FOXP2: variants seen among roughly 807,000 people sequenced by gnomAD.
FOXP2 encodes the protein forkhead box protein P2.
A neutral mutation model predicts 115.8 loss-of-function variants in FOXP2; 12 were observed. That is an observed-to-expected ratio of 0.10 (90% confidence interval 0.07 to 0.17). FOXP2 has a LOEUF of 0.17. FOXP2 is among the 10% of genes least tolerant of loss of function. The pLI is 1.00. For synonymous variants in FOXP2, 328 were observed against 297.7 expected, an observed-to-expected ratio of 1.10 and a Z score of -1.05; for missense variants, 629 against 843.5, an observed-to-expected ratio of 0.75 and a Z score of 3.15.
At chr7:114,460,628 G>T (rs985267206) in intron 2 of FOXP2, among the ~76,000 whole-genome samples, 1 of 152,062 alleles carries the variant, frequency 6.6e-6, no homozygotes, top group Non-Finnish European at 1.5e-5. Context: ...CAGTGTCCTC[G>T]TATTTGTGTA....
chr7:114,407,477 T>C (rs928267204), intron 2 of FOXP2, among the ~76,000 whole-genome samples: 1 of 152,080 alleles, frequency 6.6e-6, no homozygotes, highest in Admixed American at 6.6e-5. Flanking sequence ...CACTGTGGAC[T>C]TTTTAAGTTG....
At chr7:114,502,129 G>A (rs1797589263) in intron 2 of FOXP2, among the ~76,000 whole-genome samples, 1 of 152,044 alleles carries the variant, frequency 6.6e-6, no homozygotes, top group East Asian at 1.9e-4. Context: ...AAAACCAAAA[G>A]CACTTAAAAT....
chr7:114,483,914 T>A (rs751881174), intron 2 of FOXP2, among the ~76,000 whole-genome samples: 18 of 151,898 alleles, frequency 1.2e-4, no homozygotes, highest in Admixed American at 5.3e-4. Context: ...ATAATTAAAT[T>A]TGAATTTACT....
chr7:114,227,839 A>T (rs1794779732), intron 1 of FOXP2, among the ~76,000 whole-genome samples: 1 of 151,998 alleles, frequency 6.6e-6, no homozygotes, highest in South Asian at 2.1e-4. Flanking sequence ...AGTCTAGTAT[A>T]CTTTCTAGAG....
At chr7:114,555,021 C>T (rs940678678) in intron 3 of FOXP2, among the ~76,000 whole-genome samples, 42 of 152,050 alleles carry the variant, frequency 2.8e-4, no homozygotes, top group African/African-American at 9.2e-4. Context: ...CTAGGGCCAG[C>T]GAAAAAGAAG....
At chr7:114,397,196 A>C (rs1239139892) in intron 2 of FOXP2, among the ~76,000 whole-genome samples, 1 of 152,166 alleles carries the variant, frequency 6.6e-6, no homozygotes, top group African/African-American at 2.4e-5. Context: ...AAATTTAAAA[A>C]TTTAAAAGTT....
In FOXP2 at chr7:114,314,012, G is replaced by T. The variant is rs1797213209; in HGVS notation, c.-11+25903G>T. On this transcript the variant is annotated intron_variant, in intron 2 of 17. Transcript: ENST00000634411. ...GCATATTTAAAAATGTAATGTAATA[G>T]AATAAATAGAACAGAACAGAAAGCA... 2.0e-5 allele frequency among the ~76,000 whole-genome samples: 3 copies of T among 151,512 alleles called. No homozygotes were observed. In the South Asian group the frequency reaches 6.2e-4, roughly 31 times the overall value.
chr7:114,652,304 T>A lies in FOXP2; in HGVS notation c.1182+14T>A, dbSNP rs774274763. 68 of 1,609,786 alleles carry A rather than the reference T, an allele frequency of 4.2e-5. No individual in the cohort carries two copies. In the South Asian group the frequency reaches 6.9e-4, roughly 16 times the overall value. On this transcript the variant is annotated intron_variant, in intron 9 of 16. Coordinates refer to ENST00000350908, the MANE Select transcript of FOXP2 (RefSeq NM_014491.4). The stretch of plus-strand genomic sequence containing the variant: ...TTAGAAATACAGGTTTGTTAAATGC[T>A]CACTTAATGGACTCTTCTTAGATTT...
chr7:114,236,365 G>A (rs912073820), intron 1 of FOXP2, among the ~76,000 whole-genome samples: 1 of 152,126 alleles, frequency 6.6e-6, no homozygotes, highest in African/African-American at 2.4e-5. Context: ...TTATAATAGT[G>A]GATGGAGGAT....
chr7:114,534,656 A>T lies in FOXP2; in HGVS notation c.208A>T (p.Thr70Ser). 1.2e-6 allele frequency: 2 copies of T among 1,612,086 alleles called. No homozygotes were observed. The highest frequency in any genetic ancestry group is 1.7e-6 in the Non-Finnish European group (2 of 1,178,586). Reference sequence around the variant, plus strand: ...AAGACAACTTCTTTTACAGCAGCAAACAAGTGGATTGAAATCTCCTAAGAG... The same window carrying T: ...AAGACAACTTCTTTTACAGCAGCAATCAAGTGGATTGAAATCTCCTAAGAG... ...AARQLLLQQQ[T>S]SGLKSPKSSD... is the part of the protein sequence containing the mutation. Residue 70 changes from threonine (T) to serine (S), a missense_variant, in exon 3 of 17, where the codon ACA (threonine) becomes TCA (serine). By Grantham distance (58) the Thr-to-Ser change is moderately conservative. Around this residue, in one of 9 missense-constraint regions of FOXP2, gnomAD observed 91 missense variants for 98.3 expected, o/e 0.93. Coordinates refer to ENST00000350908, the MANE Select transcript of FOXP2 (RefSeq NM_014491.4).
chr7:114,416,314 AAC>A (rs1187024415), intron 1 of FOXP2: 1 of 152,024 alleles, frequency 6.6e-6, no homozygotes, highest in Non-Finnish European at 1.5e-5. Flanking sequence ...AGCCAGTATA[AAC>A]ACAGTCGGAG....
intron 2 of FOXP2, among the ~76,000 whole-genome samples, chr7:114,462,665 C>G (rs1389785366): frequency 1.3e-5 from 2 of 152,146 alleles, no homozygotes; most frequent in Non-Finnish European, 2.9e-5. Context: ...GCCACCGCGC[C>G]CGGCTTCTCA....
intron 1 of FOXP2, among the ~76,000 whole-genome samples, chr7:114,271,004 C>T (rs1476724518): frequency 6.6e-6 from 1 of 151,838 alleles, no homozygotes; most frequent in East Asian, 1.9e-4. Context: ...GTTGTTCTAG[C>T]ACCACATGTT....
chr7:114,427,805 A>T (rs980694868), intron 2 of FOXP2, among the ~76,000 whole-genome samples: 2 of 151,636 alleles, frequency 1.3e-5, no homozygotes, highest in Non-Finnish European at 3.0e-5. Context: ...ACATGGGTTG[A>T]ATAATGTCTT....
chr7:114,254,643 T>A (rs1795554745), intron 1 of FOXP2, among the ~76,000 whole-genome samples: 1 of 152,038 alleles, frequency 6.6e-6, no homozygotes, highest in Non-Finnish European at 1.5e-5. Context: ...TTCAGCTCCA[T>A]CAGTTCATTT....
intron 10 of FOXP2, among the ~76,000 whole-genome samples, chr7:114,655,562 C>T (rs1426501627): frequency 6.6e-6 from 1 of 151,948 alleles, no homozygotes; most frequent in Non-Finnish European, 1.5e-5. Flanking sequence ...GGCCTCAGAT[C>T]GGTTTGAAAG....
intron 2 of FOXP2, among the ~76,000 whole-genome samples, chr7:114,496,772 C>G (rs1797339980): frequency 1.3e-5 from 2 of 152,118 alleles, no homozygotes; most frequent in Admixed American, 1.3e-4. Context: ...TTCTCTCCTT[C>G]CTGTACTGTT....
At chr7:114,250,002 A>G (rs546514982) in intron 1 of FOXP2, among the ~76,000 whole-genome samples, 1 of 139,170 alleles carries the variant, frequency 7.2e-6, no homozygotes, top group Non-Finnish European at 1.5e-5. Flanking sequence ...CCTGTGTCCA[A>G]GTGTTCTCAT....
chr7:114,189,608 T>C (rs1208125760), intron 1 of FOXP2, among the ~76,000 whole-genome samples: 1 of 152,190 alleles, frequency 6.6e-6, no homozygotes, highest in Non-Finnish European at 1.5e-5. Flanking sequence ...GTGATCATCT[T>C]ATCCTGAATA....
Sources: gnomAD v4.1 joint callset for allele counts (sites outside exome capture counted in the v4.1 genomes callset) on GRCh38, gnomAD v4.1.1 for gene constraint, gnomAD v4.1.1 regional missense constraint, MANE v1.5 for transcripts, NCBI Gene and HGNC (gene_info 2026-07-23, HGNC 2026-07-21) for gene names.